CLPB: variants seen among roughly 807,000 people sequenced by gnomAD.
CLPB encodes the protein ClpB family mitochondrial disaggregase, also known as mitochondrial disaggregase.
A neutral mutation model predicts 78.4 loss-of-function variants in CLPB; 40 were observed. That is an observed-to-expected ratio of 0.51 (90% CI 0.40 to 0.66). The LOEUF is 0.66. Ranked by LOEUF, CLPB falls within the 30% of genes least tolerant of loss-of-function variation. The probability of loss-of-function intolerance (pLI) is 0.00; values close to 1 mark genes in which losing one functional copy is unlikely to be tolerated. For missense variants in CLPB, 780 were observed against 886.9 expected, an observed-to-expected ratio of 0.88 and a Z score of 1.53; for synonymous variants, 333 against 348.0, an observed-to-expected ratio of 0.96 and a Z score of 0.48.
rs977856608 is a variant in CLPB, at chr11:72,286,777, CCTTA to C, written c.*6586_*6589del. On this transcript the variant is annotated 3_prime_UTR_variant, in exon 16 of 16. Transcript: ENST00000538039. Reference sequence around the variant, plus strand: ...TGTGAGCCACCATGCCTTGCCAACACCTTACTTTTTGCTTTATCATTCCGTGTGT... The same window carrying C: ...TGTGAGCCACCATGCCTTGCCAACACCTTTTTGCTTTATCATTCCGTGTGT... 2.6e-5 allele frequency: 4 copies of C among 151,052 alleles called. No individual in the cohort carries two copies. Among genetic ancestry groups the C allele is most frequent in the African/African-American group, 4.9e-5 (2 of 40,986 alleles). 9.4% of individuals were successfully genotyped at this position (151,052 alleles called of 1,614,324 possible). A position where few individuals can be genotyped will look rare whatever the true frequency, so the allele number is the denominator to read the frequency against.
chr11:72,340,716 A>T (rs1246796393), intron 5 of CLPB, among the ~76,000 whole-genome samples: 1 of 152,220 alleles, frequency 6.6e-6, no homozygotes, highest in Non-Finnish European at 1.5e-5. Flanking sequence ...AATTCTGCTT[A>T]TGAGATCCTA....
At chr11:72,335,114 G>A (rs1950295249) in intron 5 of CLPB, among the ~76,000 whole-genome samples, 1 of 152,098 alleles carries the variant, frequency 6.6e-6, no homozygotes, top group Admixed American at 6.5e-5. Context: ...ATAGGGCCTA[G>A]GCCAGGAAAG....
At chr11:72,303,844 A>G (rs186313988) in intron 9 of CLPB, 2 of 152,330 alleles carry the variant, frequency 1.3e-5, no homozygotes, top group East Asian at 3.9e-4. Flanking sequence ...TATCATCTCC[A>G]CTTTACAGAT....
chr11:72,364,196 T>C (rs1214970894), intron 4 of CLPB, among the ~76,000 whole-genome samples: 1 of 152,184 alleles, frequency 6.6e-6, no homozygotes, highest in Non-Finnish European at 1.5e-5. Context: ...TTACTTTTTA[T>C]TTATTTATTT....
chr11:72,296,609 G>A lies in CLPB; in HGVS notation c.1330-961C>T, dbSNP rs537096688. ...AGCAATGATCAGGGACTCCTTGAGA[G>A]CAAGCAATAGAGTGACAATGCCGAA... On this transcript the variant is annotated intron_variant, in intron 11 of 15. Coordinates refer to ENST00000538039, the MANE Select transcript of CLPB (RefSeq NM_001258392.3). 3.9e-5 allele frequency among the ~76,000 whole-genome samples: 6 copies of A among 152,350 alleles called. No individual in the cohort carries two copies. In the South Asian group the frequency reaches 1.2e-3, roughly 32 times the overall value.
At position 72,290,960 on chromosome 11, in the gene CLPB, A is replaced by C. The variant is rs1368380660; in HGVS notation, c.*2407T>G. On this transcript the variant is annotated 3_prime_UTR_variant, in exon 16 of 16. Transcript: ENST00000538039. ...ACTCCGTCTCAAAAAAAAAAAAAAA[A>C]CCAAAACAAAAAGTTACCACCACCC... is the stretch of plus-strand genomic sequence containing the variant. The C allele has an allele frequency of 1.3e-5, 2 of 151,188 alleles. No individual in the cohort carries two copies. Among genetic ancestry groups the C allele is most frequent in the South Asian group, 2.1e-4 (1 of 4,794 alleles). 9.4% of individuals were successfully genotyped at this position (151,188 alleles called of 1,614,324 possible). A position where few individuals can be genotyped will look rare whatever the true frequency, so the allele number is the denominator to read the frequency against.
intron 1 of CLPB, among the ~76,000 whole-genome samples, chr11:72,433,476 G>A (rs1426298711): frequency 6.6e-6 from 1 of 151,786 alleles, no homozygotes; most frequent in Non-Finnish European, 1.5e-5. Context: ...GGAGGCGGAG[G>A]TTGCAGTGGG....
At chr11:72,337,050 A>G (rs763615279) in intron 5 of CLPB, 6 of 398,614 alleles carry the variant, frequency 1.5e-5, no homozygotes, top group African/African-American at 2.1e-5. Flanking sequence ...CCACTTTCAT[A>G]TCTTGGTTTA....
chr11:72,378,414 T>A (rs528630637), intron 4 of CLPB, among the ~76,000 whole-genome samples: 1 of 152,180 alleles, frequency 6.6e-6, no homozygotes, highest in South Asian at 2.1e-4. Flanking sequence ...TACATGGCAG[T>A]GGCAAGAGAA....
chr11:72,344,991 C>G (rs61893851), intron 5 of CLPB, among the ~76,000 whole-genome samples: 1,604 of 152,292 alleles, frequency 0.011, 12 homozygotes, highest in Non-Finnish European at 0.017. Context: ...TACTATGTCT[C>G]ACCTTCATAT....
rs137985443 is a variant in CLPB at position 72,412,277 on chromosome 11, C to T, written c.456-9225G>A. Among the ~76,000 whole-genome samples the T allele has an allele frequency of 8.5e-5, 13 of 152,308 alleles. No homozygotes were observed. The East Asian group carries it at 2.1e-3, about 25-fold the overall frequency. On this transcript the variant is annotated intron_variant, in intron 2 of 15. Transcript: ENST00000538039. Reference sequence around the variant, plus strand: ...CTTCCGTGAGGAAGCTCTCCAGATGCTCTCACTCCCAGTGAGATGGCCCAC... The same window carrying T: ...CTTCCGTGAGGAAGCTCTCCAGATGTTCTCACTCCCAGTGAGATGGCCCAC...
intron 4 of CLPB, chr11:72,372,982 T>G (rs1951071739): frequency 6.2e-7 from 1 of 1,614,020 alleles, no homozygotes; most frequent in Non-Finnish European, 8.5e-7. Flanking sequence ...CACTGGTTTG[T>G]GATGTGCCGG....
intron 7 of CLPB, among the ~76,000 whole-genome samples, chr11:72,309,868 A>G (rs1397244058): frequency 1.4e-4 from 21 of 152,220 alleles, no homozygotes; most frequent in Admixed American, 1.4e-3. Context: ...GGCCTGGAAC[A>G]CTAGTCAATG....
chr11:72,389,576 A>T (rs1855185819), intron 3 of CLPB, among the ~76,000 whole-genome samples: 1 of 152,192 alleles, frequency 6.6e-6, no homozygotes, highest in South Asian at 2.1e-4. Context: ...ATCAGGACAC[A>T]TCTCCACTCA....
intron 1 of CLPB, among the ~76,000 whole-genome samples, chr11:72,433,564 T>C (rs956852399): frequency 1.3e-5 from 2 of 149,506 alleles, no homozygotes; most frequent in African/African-American, 2.5e-5. Flanking sequence ...AATAAATAAA[T>C]AAATAAATAA....
At chr11:72,309,663 CTTT>C (rs937643559) in intron 7 of CLPB, among the ~76,000 whole-genome samples, 2 of 152,114 alleles carry the variant, frequency 1.3e-5, no homozygotes. Context: ...AACCTGTCGT[CTTT>C]TTTTAAAAAA....
chr11:72,363,940 T>G (rs1950890948), intron 4 of CLPB, among the ~76,000 whole-genome samples: 1 of 152,220 alleles, frequency 6.6e-6, no homozygotes. Context: ...CTGAAGACTC[T>G]ATACAAATTA....
chr11:72,388,401 C>G (rs900794284), intron 3 of CLPB, among the ~76,000 whole-genome samples: 3 of 152,212 alleles, frequency 2.0e-5, no homozygotes, highest in Admixed American at 2.0e-4. Context: ...CAGGCACCTG[C>G]CACCATGCCC....
In CLPB at chr11:72,294,017, C is replaced by T. The variant is rs755636284; in HGVS notation, c.1785+5G>A. Reference sequence around the variant, plus strand: ...GCGCCTCATTTCTCAGGCTCCTGTGCTCACCTCATGTTTGATGGAGCGGGC... The same window carrying T: ...GCGCCTCATTTCTCAGGCTCCTGTGTTCACCTCATGTTTGATGGAGCGGGC... On this transcript the variant is annotated splice_donor_5th_base_variant and intron_variant, in intron 15 of 15. Transcript: ENST00000538039. 2.5e-6 allele frequency: 4 copies of T among 1,612,860 alleles called. No individual in the cohort carries two copies. In the South Asian group the frequency reaches 3.3e-5, roughly 13 times the overall value.
Sources: gnomAD v4.1 joint callset for allele counts (sites outside exome capture counted in the v4.1 genomes callset) on GRCh38, gnomAD v4.1.1 for gene constraint, MANE v1.5 for transcripts, NCBI Gene and HGNC (gene_info 2026-07-23, HGNC 2026-07-21) for gene names.